The following NRXN1 variants were observed in gnomAD, a reference collection of about 807,000 sequenced individuals.
The protein encoded by NRXN1 is neurexin-1.
In NRXN1, 39 loss-of-function variants were observed where a neutral mutation model predicts 150.9. The ratio of observed to expected loss-of-function variants is 0.26; its 90% CI spans 0.20 to 0.34. NRXN1 has a LOEUF of 0.34. Among genes scored for constraint, NRXN1 ranks in the 10% least tolerant of loss-of-function variants. NRXN1 has a pLI of 1.00. For synonymous variants in NRXN1, 924 were observed against 757.0 expected, an observed-to-expected ratio of 1.22 and a Z score of -3.62; for missense variants, 1,815 against 1,949.9, an observed-to-expected ratio of 0.93 and a Z score of 1.30.
intron 17 of NRXN1, among the ~76,000 whole-genome samples, chr2:50,264,194 A>G (rs537741961): frequency 6.6e-6 from 1 of 152,122 alleles, no homozygotes; most frequent in African/African-American, 2.4e-5. Context: ...GTGTATTTAT[A>G]TATTTTCCTT....
intron 5 of NRXN1, among the ~76,000 whole-genome samples, chr2:50,897,484 G>T (rs1048652841): frequency 2.6e-5 from 4 of 152,122 alleles, no homozygotes; most frequent in African/African-American, 7.2e-5. Context: ...GGGATACAAA[G>T]AATTTAAAAT....
intron 18 of NRXN1, among the ~76,000 whole-genome samples, chr2:50,121,765 A>G (rs112812926): frequency 4.6e-5 from 7 of 152,340 alleles, no homozygotes; most frequent in African/African-American, 1.7e-4. Context: ...AAAACATCCT[A>G]GTACTTTGTT....
intron 21 of NRXN1, among the ~76,000 whole-genome samples, chr2:49,944,037 T>C (rs867871555): frequency 4.6e-5 from 7 of 152,166 alleles, no homozygotes; most frequent in Admixed American, 4.6e-4. Flanking sequence ...TAGATACCCA[T>C]CCACTCAAAT....
At chr2:50,450,644 A>G (rs2086872772) in intron 17 of NRXN1, among the ~76,000 whole-genome samples, 1 of 152,166 alleles carries the variant, frequency 6.6e-6, no homozygotes, top group South Asian at 2.1e-4. Flanking sequence ...GGAACTACAC[A>G]CAAGGCCTTT....
rs764073226 is a variant in NRXN1 at position 50,019,641 on chromosome 2, C to CAAAAA, written c.4128+33625_4128+33629dup. Among the ~76,000 whole-genome samples, 10 of 25,552 alleles carry CAAAAA rather than the reference C, an allele frequency of 3.9e-4. 1 individual carries two copies. Among genetic ancestry groups the CAAAAA allele is most frequent in the African/African-American group, 5.9e-4 (3 of 5,104 alleles). 16.8% of individuals were successfully genotyped at this position (25,552 alleles called of 152,430 possible). On this transcript the variant is annotated intron_variant, in intron 21 of 22. Coordinates refer to ENST00000401669, the MANE Select transcript of NRXN1 (RefSeq NM_001330078.2). ...TGTAAGAAGGAGCAAGATTCCGTCT[C>CAAAAA]AAAAAAAAAAAAAAAAAAAAGGAGG... is the stretch of plus-strand genomic sequence containing the variant.
chr2:50,388,433 G>C (rs1210546599), intron 17 of NRXN1, among the ~76,000 whole-genome samples: 1 of 152,096 alleles, frequency 6.6e-6, no homozygotes, highest in Non-Finnish European at 1.5e-5. Context: ...TGAGAATCCA[G>C]TACATGTGTA....
At chr2:50,575,573 T>C (rs1004445193) in intron 8 of NRXN1, among the ~76,000 whole-genome samples, 2 of 152,200 alleles carry the variant, frequency 1.3e-5, no homozygotes, top group Non-Finnish European at 1.5e-5. Flanking sequence ...CTAATTTTAT[T>C]AGATAAAAGG....
intron 18 of NRXN1, among the ~76,000 whole-genome samples, chr2:50,167,715 C>G (rs562767192): frequency 6.6e-6 from 1 of 152,112 alleles, no homozygotes; most frequent in Non-Finnish European, 1.5e-5. Context: ...CTAGAGTTAA[C>G]TAGGGACCTT....
chr2:50,286,694 T>C (rs904067237), intron 17 of NRXN1, among the ~76,000 whole-genome samples: 2 of 152,070 alleles, frequency 1.3e-5, no homozygotes, highest in African/African-American at 4.8e-5. Flanking sequence ...GACATCCTAT[T>C]ATTGATGTGA....
intron 5 of NRXN1, among the ~76,000 whole-genome samples, chr2:50,743,248 A>G (rs557705772): frequency 6.6e-6 from 1 of 152,202 alleles, no homozygotes; most frequent in African/African-American, 2.4e-5. Flanking sequence ...TACAACTAAA[A>G]TCTAAATGCC....
intron 2 of NRXN1, among the ~76,000 whole-genome samples, chr2:50,952,115 T>C (rs1009409821): frequency 2.0e-5 from 3 of 150,936 alleles, no homozygotes; most frequent in East Asian, 2.0e-4. Context: ...TATAGGCGCC[T>C]GCCACTACGC....
chr2:50,383,424 C>A (rs1048983348), intron 17 of NRXN1, among the ~76,000 whole-genome samples: 1 of 151,954 alleles, frequency 6.6e-6, no homozygotes, highest in African/African-American at 2.4e-5. Context: ...ATCTCCCAGG[C>A]TCAAAACACA....
At chr2:50,224,693 A>AAGAGAGAGAGAGAGAGAGAGAGAGAG (rs201700032) in intron 18 of NRXN1, among the ~76,000 whole-genome samples, 4 of 130,446 alleles carry the variant, frequency 3.1e-5, no homozygotes, top group South Asian at 2.6e-4. Flanking sequence ...GAGAGGGAGA[A>AAGAGAGAGAGAGAGAGAGAGAGAGAG]AGAGAGAGAG....
At chr2:50,277,382 G>GTCAT (rs2070651933) in intron 17 of NRXN1, among the ~76,000 whole-genome samples, 1 of 132,060 alleles carries the variant, frequency 7.6e-6, no homozygotes, top group African/African-American at 2.8e-5. Context: ...AAAAAGGTCC[G>GTCAT]TCCTTCCTTC....
At chr2:50,613,565 T>C (rs1678539403) in intron 8 of NRXN1, among the ~76,000 whole-genome samples, 1 of 152,190 alleles carries the variant, frequency 6.6e-6, no homozygotes, top group African/African-American at 2.4e-5. Flanking sequence ...GGCCAATGCA[T>C]GAGTACTTGA....
intron 5 of NRXN1, among the ~76,000 whole-genome samples, chr2:50,630,879 T>A (rs1478395371): frequency 6.6e-6 from 1 of 151,708 alleles, no homozygotes; most frequent in Non-Finnish European, 1.5e-5. Flanking sequence ...ACCAAGCAGA[T>A]GTACACATTA....
chr2:50,973,883 G>T (rs1258241036), intron 2 of NRXN1, among the ~76,000 whole-genome samples: 1 of 152,006 alleles, frequency 6.6e-6, no homozygotes, highest in South Asian at 2.1e-4. Flanking sequence ...TGTAGTGACT[G>T]ATTCAATTAA....
chr2:50,332,138 C>T (rs890151515), intron 17 of NRXN1, among the ~76,000 whole-genome samples: 4 of 152,056 alleles, frequency 2.6e-5, no homozygotes, highest in Non-Finnish European at 4.4e-5. Flanking sequence ...ATGGTGAAAT[C>T]ACAGGCAATG....
chr2:50,572,511 T>G (rs1670809359), intron 8 of NRXN1, among the ~76,000 whole-genome samples: 1 of 152,226 alleles, frequency 6.6e-6, no homozygotes, highest in Non-Finnish European at 1.5e-5. Flanking sequence ...TAGCCATCAC[T>G]GATTATTTCC....
Sources: allele counts gnomAD v4.1 joint callset (sites outside exome capture counted in the v4.1 genomes callset), GRCh38; gene constraint gnomAD v4.1.1; transcripts MANE v1.5; gene names NCBI Gene and HGNC (gene_info 2026-07-23, HGNC 2026-07-21).